Variants in GGNBP2 observed in about 807,000 individuals in gnomAD.
The protein encoded by GGNBP2 is gametogenetin binding protein 2.
In GGNBP2, 10 loss-of-function variants were observed where a neutral mutation model predicts 85.9. That is an observed-to-expected ratio of 0.12 (90% CI 0.07 to 0.20). The LOEUF is 0.20. Ranked by LOEUF, GGNBP2 falls within the 10% of genes least tolerant of loss-of-function variation. The probability of loss-of-function intolerance (pLI) is 1.00; values close to 1 mark genes in which losing one functional copy is unlikely to be tolerated. For missense variants in GGNBP2, 595 were observed against 857.8 expected, an observed-to-expected ratio of 0.69 and a Z score of 3.83; for synonymous variants, 287 against 285.7, an observed-to-expected ratio of 1.00 and a Z score of -0.05.
intron 6 of GGNBP2, chr17:36,577,586 GGA>G (rs1462075477): frequency 4.7e-6 from 1 of 211,074 alleles, no homozygotes; most frequent in Non-Finnish European, 9.7e-6. Flanking sequence ...GAGACTGGAA[GGA>G]GAGAGAACAA....
intron 6 of GGNBP2, among the ~76,000 whole-genome samples, chr17:36,572,644 A>G (rs2074537482): frequency 6.6e-6 from 1 of 152,196 alleles, no homozygotes; most frequent in African/African-American, 2.4e-5. Context: ...CAGTGAGACA[A>G]GAGTATGCCA....
chr17:36,547,500 C>T (rs936218493), intron 2 of GGNBP2: 1 of 152,194 alleles, frequency 6.6e-6, no homozygotes, highest in African/African-American at 2.4e-5. Context: ...TTCACATAAC[C>T]ACCTTTGTGA....
chr17:36,545,557 C>T (rs1428202651), intron 1 of GGNBP2, 62 bp from the exon 2 acceptor site: 7 of 588,260 alleles, frequency 1.2e-5, no homozygotes, highest in Middle Eastern at 4.6e-4. Context: ...GCTCCCTGCC[C>T]CCCGTGGCGA....
chr17:36,578,180 C>T lies in GGNBP2; in HGVS notation c.839C>T (p.Ala280Val). The T allele has an allele frequency of 6.2e-7, 1 of 1,607,946 alleles. No homozygotes were observed. The highest frequency in any genetic ancestry group is 8.5e-7 in the Non-Finnish European group (1 of 1,174,918). The change falls in exon 7 of 14, where the codon GCA becomes GTA. Residue 280 changes from alanine (A) to valine (V), a missense_variant. This residue lies in a region of GGNBP2 where 92 missense variants were observed against 183.9 expected (regional missense o/e 0.50). Coordinates refer to ENST00000613102, the MANE Select transcript of GGNBP2 (RefSeq NM_024835.5). The part of the protein sequence containing the change: ...HLLGRAEPEF[A>V]GGRRERHAKT... ...TTGGGTCGTGCTGAGCCAGAGTTCG[C>T]AGGAGGGTATGAGTATGTAATTTGC...
chr17:36,571,530 A>G (rs1366851456), intron 6 of GGNBP2, among the ~76,000 whole-genome samples: 3 of 151,982 alleles, frequency 2.0e-5, no homozygotes, highest in South Asian at 2.1e-4. Context: ...AGCCTCGGCA[A>G]CAGCAAGACT....
chr17:36,569,320 G>A (rs2074499745), intron 6 of GGNBP2, among the ~76,000 whole-genome samples: 1 of 152,168 alleles, frequency 6.6e-6, no homozygotes, highest in African/African-American at 2.4e-5. Flanking sequence ...ACTGAGGCAG[G>A]TGAATTGCTT....
intron 5 of GGNBP2, among the ~76,000 whole-genome samples, chr17:36,566,420 G>A (rs1230427709): frequency 6.6e-6 from 1 of 152,162 alleles, no homozygotes; most frequent in African/African-American, 2.4e-5. Context: ...AGCCCTTTGG[G>A]AGGCTGAGGT....
chr17:36,554,804 C>T lies in GGNBP2; in HGVS notation c.94-16C>T. ...AGGGGTAAAGTAATTGATTTCCGTT[C>T]TGTTTGCATTTTAAGATGGTGATGG... On this transcript the variant is annotated splice_polypyrimidine_tract_variant and intron_variant, in intron 2 of 13. Transcript: ENST00000613102. The T allele has an allele frequency of 6.6e-7, 1 of 1,512,952 alleles. No individual in the cohort carries two copies. The highest frequency in any genetic ancestry group is 9.2e-7 in the Non-Finnish European group (1 of 1,087,840). 93.7% of individuals were successfully genotyped at this position (1,512,952 alleles called of 1,614,324 possible).
Position 36,545,665 on chromosome 17 carries a change from G to A in GGNBP2, c.-60G>A. ...CAGCGGCGGCGGCAGAAACAGCAGC[G>A]GCGGCGGCGGCGGCAGCTGGGAGGA... On this transcript the variant is annotated 5_prime_UTR_variant, in exon 2 of 14. Coordinates refer to ENST00000613102, the MANE Select transcript of GGNBP2 (RefSeq NM_024835.5). The A allele has an allele frequency of 1.4e-5, 17 of 1,224,008 alleles. No individual in the cohort carries two copies. The highest frequency in any genetic ancestry group is 2.6e-5 in the East Asian group (1 of 38,446). The allele number at this position is 1,224,008 out of a possible 1,614,324, so 75.8% of individuals were successfully genotyped here. A position where few individuals can be genotyped will look rare whatever the true frequency, so the allele number is the denominator to read the frequency against.
chr17:36,572,201 T>C (rs1035962678), intron 6 of GGNBP2, among the ~76,000 whole-genome samples: 1 of 152,220 alleles, frequency 6.6e-6, no homozygotes, highest in Admixed American at 6.5e-5. Flanking sequence ...TATGAGAGTA[T>C]AAAGCAGTAA....
rs769463040 is a variant in GGNBP2 at position 36,557,068 on chromosome 17, C to G, written c.175-15C>G. 1 of 1,613,462 alleles carries G rather than the reference C, an allele frequency of 6.2e-7. No homozygotes were observed. The highest frequency in any genetic ancestry group is 8.5e-7 in the Non-Finnish European group (1 of 1,179,570). On this transcript the variant is annotated splice_polypyrimidine_tract_variant and intron_variant, in intron 3 of 13. Transcript: ENST00000613102. The stretch of plus-strand genomic sequence containing the variant: ...TTTTTAAAGGACACTCTTTCATTTT[C>G]TTTCCCTCTTTCAGCGACATGGTAT...
At chr17:36,577,670 G>T in intron 6 of GGNBP2, 1 of 375,770 alleles carries the variant, frequency 2.7e-6, no homozygotes, top group Non-Finnish European at 5.0e-6. Context: ...TTTTGAAGTG[G>T]AGATATGCTA....
At chr17:36,565,646 C>G (rs995528502) in intron 5 of GGNBP2, among the ~76,000 whole-genome samples, 1 of 152,038 alleles carries the variant, frequency 6.6e-6, no homozygotes. Context: ...ACTGGTAATC[C>G]CAGCACTTTG....
intron 5 of GGNBP2, among the ~76,000 whole-genome samples, chr17:36,561,418 G>A (rs1250437843): frequency 2.0e-5 from 3 of 152,040 alleles, no homozygotes; most frequent in Non-Finnish European, 2.9e-5. Context: ...CACCACACTC[G>A]GCCGGTTGAA....
chr17:36,563,041 G>A (rs2074434903), intron 5 of GGNBP2, among the ~76,000 whole-genome samples: 1 of 150,410 alleles, frequency 6.6e-6, no homozygotes, highest in African/African-American at 2.4e-5. Context: ...CAAGTTGGGT[G>A]GATTCTCTGA....
rs1046636903 is a variant in GGNBP2, at chr17:36,589,435, C to G, written c.*24C>G. Reference sequence around the variant, plus strand: ...AAATAAATAAAATAGCTCTGTCTTTCAATGAAACACTCACGATGACTACTG... The same window carrying G: ...AAATAAATAAAATAGCTCTGTCTTTGAATGAAACACTCACGATGACTACTG... On this transcript the variant is annotated 3_prime_UTR_variant, in exon 14 of 14. Coordinates refer to ENST00000613102, the MANE Select transcript of GGNBP2 (RefSeq NM_024835.5). 1.9e-6 allele frequency: 3 copies of G among 1,561,190 alleles called. No homozygotes were observed. Among genetic ancestry groups the G allele is most frequent in the Admixed American group, 1.7e-5 (1 of 59,616 alleles).
intron 4 of GGNBP2, among the ~76,000 whole-genome samples, chr17:36,557,852 G>A (rs371681616): frequency 6.6e-6 from 1 of 152,136 alleles, no homozygotes; most frequent in African/African-American, 2.4e-5. Flanking sequence ...GGTGGCTCAC[G>A]CCTGTAATCC....
intron 2 of GGNBP2, among the ~76,000 whole-genome samples, chr17:36,548,960 CTCT>C (rs1567815724): frequency 2.0e-5 from 3 of 152,176 alleles, no homozygotes; most frequent in Non-Finnish European, 2.9e-5. Context: ...AAAAAATAGC[CTCT>C]TCTTTTATGT....
intron 6 of GGNBP2, 129 bp downstream of exon 6, chr17:36,567,905 G>T: frequency 2.0e-6 from 1 of 508,138 alleles, no homozygotes; most frequent in South Asian, 3.5e-5. Flanking sequence ...GCACTAGGCG[G>T]AGCTTAATAT....
Sources: gnomAD v4.1 joint callset for allele counts (sites outside exome capture counted in the v4.1 genomes callset) on GRCh38, gnomAD v4.1.1 for gene constraint, gnomAD v4.1.1 regional missense constraint, MANE v1.5 for transcripts, NCBI Gene and HGNC (gene_info 2026-07-23, HGNC 2026-07-21) for gene names.